The following ABAT variants were observed in gnomAD, a reference collection of about 807,000 sequenced individuals.
ABAT encodes 4-aminobutyrate aminotransferase, mitochondrial.
Under a neutral mutation model 64.6 loss-of-function variants are expected in ABAT, and 45 were observed. That is an observed-to-expected ratio of 0.70 (90% confidence interval 0.55 to 0.89). The LOEUF (loss-of-function observed/expected upper bound fraction) is 0.89. ABAT is among the 40% of genes least tolerant of loss of function. The pLI, the probability that ABAT is intolerant of heterozygous loss-of-function variation, is 0.00. For synonymous variants in ABAT, 297 were observed against 250.5 expected (o/e 1.19, Z -1.75); for missense variants, 633 against 658.4 (o/e 0.96, Z 0.42).
At chr16:8,694,504 A>C (rs908422929) in intron 1 of ABAT, among the ~76,000 whole-genome samples, 1 of 151,994 alleles carries the variant, frequency 6.6e-6, no homozygotes, top group African/African-American at 2.4e-5. Flanking sequence ...AATTCTCCCG[A>C]GCAGCTGGGA....
chr16:8,781,598 G>C lies in ABAT; in HGVS notation c.*168G>C. The C allele has an allele frequency of 2.0e-3, 994 of 508,980 alleles. No individual in the cohort carries two copies. The highest frequency in any genetic ancestry group is 5.7e-3 in the East Asian group (110 of 19,352). 31.5% of individuals were successfully genotyped at this position (508,980 alleles called of 1,614,324 possible). A position where few individuals can be genotyped will look rare whatever the true frequency, so the allele number is the denominator to read the frequency against. On this transcript the variant is annotated 3_prime_UTR_variant, in exon 16 of 16. Transcript: ENST00000268251. This position sits in a 1 kb window ranked among gnomAD's most constrained non-coding sequence, Gnocchi z 4.5. Reference sequence around the variant, plus strand: ...TGGTCTTGGGGGAGGGGAGGGGAGGGAAGGGCTGGTGTTGATTTTCCTCCC... The same window carrying C: ...TGGTCTTGGGGGAGGGGAGGGGAGGCAAGGGCTGGTGTTGATTTTCCTCCC...
At position 8,779,648 on chromosome 16, in the gene ABAT, C is replaced by G. The variant is rs928471432; in HGVS notation, c.1381+58C>G. The G allele has an allele frequency of 1.1e-5, 16 of 1,409,544 alleles. No homozygotes were observed. The African/African-American group carries it at 2.1e-4, about 19-fold the overall frequency. The allele number at this position is 1,409,544 out of a possible 1,614,324, so 87.3% of individuals were successfully genotyped here. On this transcript the variant is annotated intron_variant, in intron 15 of 15. Coordinates refer to ENST00000268251, the MANE Select transcript of ABAT (RefSeq NM_020686.6). ...GAGCATCCAGTATCTCCTGCTGTAG[C>G]TGCCACATGTTGCTAGGTACTCAGC...
rs2059879567 is a variant in ABAT, at chr16:8,764,248, A to G, written c.447+99A>G. 1.9e-6 allele frequency: 2 copies of G among 1,046,012 alleles called. No individual in the cohort carries two copies. Among genetic ancestry groups the G allele is most frequent in the East Asian group, 4.8e-5 (2 of 41,414 alleles). The allele number at this position is 1,046,012 out of a possible 1,614,324, so 64.8% of individuals were successfully genotyped here. Reference sequence around the variant, plus strand: ...ACAATGAAGAATAAGGTGTTGCTACAGAAATCTTTCTCTCTGAGCTTATTC... The same window carrying G: ...ACAATGAAGAATAAGGTGTTGCTACGGAAATCTTTCTCTCTGAGCTTATTC... On this transcript the variant is annotated intron_variant, in intron 7 of 15. Coordinates refer to ENST00000268251, the MANE Select transcript of ABAT (RefSeq NM_020686.6). This position sits in a 1 kb window ranked among gnomAD's most constrained non-coding sequence, Gnocchi z 4.2.
In ABAT at chr16:8,764,846, C is replaced by A. The variant is rs766966035; in HGVS notation, c.540+16C>A. The A allele has an allele frequency of 2.8e-6, 4 of 1,418,806 alleles. No individual in the cohort carries two copies. The highest frequency in any genetic ancestry group is 2.9e-6 in the Non-Finnish European group (3 of 1,037,186). 87.9% of individuals were successfully genotyped at this position (1,418,806 alleles called of 1,614,324 possible). A position where few individuals can be genotyped will look rare whatever the true frequency, so the allele number is the denominator to read the frequency against. On this transcript the variant is annotated intron_variant, in intron 8 of 15. Transcript: ENST00000268251. This position sits in a 1 kb window ranked among gnomAD's most constrained non-coding sequence, Gnocchi z 4.2. ...GTGGTACCGGGTGAGGTTTGGGGCA[C>A]ACACACACACACACACACAGGCTCC...
intron 1 of ABAT, among the ~76,000 whole-genome samples, chr16:8,733,227 C>G (rs1567292220): frequency 6.6e-6 from 1 of 151,514 alleles, no homozygotes; most frequent in African/African-American, 2.4e-5. Flanking sequence ...CCTCACTTCT[C>G]AGACGGGGCG....
chr16:8,675,276 G>A (rs1404827337), intron 1 of ABAT, among the ~76,000 whole-genome samples: 8 of 151,922 alleles, frequency 5.3e-5, no homozygotes, highest in Non-Finnish European at 8.8e-5. Context: ...TAGCCCTGCC[G>A]GAGACCCCTC....
At chr16:8,731,922 C>T (rs1197543860) in intron 1 of ABAT, among the ~76,000 whole-genome samples, 1 of 152,066 alleles carries the variant, frequency 6.6e-6, no homozygotes, top group Non-Finnish European at 1.5e-5. Context: ...GGTGCGATCT[C>T]AGCTCACTGT....
chr16:8,703,730 T>C (rs1315118880), intron 1 of ABAT, among the ~76,000 whole-genome samples: 2 of 152,080 alleles, frequency 1.3e-5, no homozygotes, highest in African/African-American at 4.8e-5. Context: ...ATTGGGAAGA[T>C]AGGAAAGACC....
intron 1 of ABAT, among the ~76,000 whole-genome samples, chr16:8,716,652 C>T (rs1032797445): frequency 6.6e-6 from 1 of 152,182 alleles, no homozygotes; most frequent in Non-Finnish European, 1.5e-5. Context: ...TGCACTGGGT[C>T]CCACACATCA....
chr16:8,730,985 C>T (rs574761224), intron 1 of ABAT, among the ~76,000 whole-genome samples: 3 of 152,284 alleles, frequency 2.0e-5, no homozygotes, highest in Non-Finnish European at 2.9e-5. Flanking sequence ...GTGTGTGAGA[C>T]GGTGTCTCAC....
At chr16:8,690,414 T>C (rs933690455) in intron 1 of ABAT, among the ~76,000 whole-genome samples, 5 of 152,212 alleles carry the variant, frequency 3.3e-5, no homozygotes, top group African/African-American at 1.2e-4. Context: ...CTTAAGTCAC[T>C]TGCCTAAGAC....
chr16:8,768,350 T>C (rs1394403634), intron 10 of ABAT, 94 bp downstream of exon 10: 27 of 1,265,150 alleles, frequency 2.1e-5, no homozygotes, highest in Non-Finnish European at 2.5e-5. Context: ...TTTACACATA[T>C]TGTCCCACTG....
At chr16:8,675,820 G>T (rs868298879) in intron 1 of ABAT, among the ~76,000 whole-genome samples, 1 of 152,140 alleles carries the variant, frequency 6.6e-6, no homozygotes, top group Non-Finnish European at 1.5e-5. Flanking sequence ...ATTCTCTCTT[G>T]CAGTCTGGGA....
At chr16:8,676,452 T>G (rs2057204887) in intron 1 of ABAT, among the ~76,000 whole-genome samples, 1 of 151,882 alleles carries the variant, frequency 6.6e-6, no homozygotes, top group Non-Finnish European at 1.5e-5. Context: ...TCCCCACTTG[T>G]CAGAGGAAGC....
intron 1 of ABAT, among the ~76,000 whole-genome samples, chr16:8,730,854 C>T (rs976220272): frequency 6.6e-6 from 1 of 152,246 alleles, no homozygotes; most frequent in Non-Finnish European, 1.5e-5. Context: ...GCTCCACCAG[C>T]AACTTGCTGT....
intron 6 of ABAT, among the ~76,000 whole-genome samples, chr16:8,762,366 CATCCTCTGT>C (rs1398989045): frequency 6.6e-6 from 1 of 152,216 alleles, no homozygotes; most frequent in African/African-American, 2.4e-5. Context: ...TGAACTCCTG[CATCCTCTGT>C]ATGCCATATC....
intron 3 of ABAT, among the ~76,000 whole-genome samples, chr16:8,746,302 C>T (rs1402378316): frequency 6.6e-6 from 1 of 151,982 alleles, no homozygotes; most frequent in Non-Finnish European, 1.5e-5. Context: ...GCTGTAATCC[C>T]AACACTTTGA....
intron 1 of ABAT, chr16:8,721,066 A>G (rs1331621351): frequency 6.6e-6 from 1 of 152,180 alleles, no homozygotes; most frequent in African/African-American, 2.4e-5. Context: ...AATAGTTCCA[A>G]TTGCTATTAC....
At position 8,735,704 on chromosome 16, in the gene ABAT, C is replaced by T. The variant is rs2058904009; in HGVS notation, c.-36C>T. 2.6e-6 allele frequency: 4 copies of T among 1,567,616 alleles called. No homozygotes were observed. The highest frequency in any genetic ancestry group is 1.3e-5 in the African/African-American group (1 of 74,208). ...GCATTTCTGGTTTCTTTCAGGGTGG[C>T]AGCACGCAAAGGGTGTCCCTGTCCC... On this transcript the variant is annotated 5_prime_UTR_variant, in exon 2 of 16. Coordinates refer to ENST00000268251, the MANE Select transcript of ABAT (RefSeq NM_020686.6).
Sources: allele counts gnomAD v4.1 joint callset (sites outside exome capture counted in the v4.1 genomes callset), GRCh38; gene constraint gnomAD v4.1.1; non-coding constraint Gnocchi (gnomAD v3.1); transcripts MANE v1.5; gene names NCBI Gene and HGNC (gene_info 2026-07-23, HGNC 2026-07-21).